Variants in GSN observed in about 807,000 individuals in gnomAD.
The protein encoded by GSN is gelsolin, also known as actin-depolymerizing factor.
A neutral mutation model predicts 85.7 loss-of-function variants in GSN; 56 were observed. The observed-to-expected ratio is 0.65, with a 90% CI of 0.53 to 0.82. The LOEUF is 0.82. Ranked by LOEUF, GSN falls within the 40% of genes least tolerant of loss-of-function variation. The pLI, the probability that GSN is intolerant of heterozygous loss-of-function variation, is 0.00. For missense variants in GSN, 857 were observed against 979.8 expected (o/e 0.87, Z 1.67); for synonymous variants, 373 against 399.1 (o/e 0.93, Z 0.78).
At chr9:121,216,422 A>G (rs542760063) in intron 4 of GSN, among the ~76,000 whole-genome samples, 1 of 152,346 alleles carries the variant, frequency 6.6e-6, no homozygotes, top group Non-Finnish European at 1.5e-5. Flanking sequence ...CACTTCCTGA[A>G]GCCTGTACTC....
intron 2 of GSN, among the ~76,000 whole-genome samples, chr9:121,301,625 C>CAAAAAAAAAAAAAAAA (rs753963979): frequency 7.2e-5 from 4 of 55,902 alleles, no homozygotes; most frequent in Non-Finnish European, 1.3e-4. Context: ...GACTCTGTCT[C>CAAAAAAAAAAAAAAAA]AAAAAAAAAA....
intron 2 of GSN, among the ~76,000 whole-genome samples, chr9:121,287,660 T>G (rs1410105941): frequency 1.3e-5 from 2 of 150,154 alleles, no homozygotes; most frequent in East Asian, 3.9e-4. Flanking sequence ...TTTGGCAGAA[T>G]AGTACACAGG....
intron 12 of GSN, among the ~76,000 whole-genome samples, chr9:121,325,407 TGGGTGTTAAAGCAA>T (rs1394677762): frequency 6.6e-6 from 1 of 151,730 alleles, no homozygotes; most frequent in Non-Finnish European, 1.5e-5. Context: ...GAGGGGGCAT[TGGGTGTTAAAGCAA>T]GGGGAAAATG....
upstream of GSN, among the ~76,000 whole-genome samples, chr9:121,204,901 A>T (rs2053857596): frequency 6.6e-6 from 1 of 152,222 alleles, no homozygotes; most frequent in East Asian, 1.9e-4. Context: ...AACATTTGTT[A>T]AACTATAAGA....
In GSN at chr9:121,332,336, C is replaced by G. The variant is rs1589272375; in HGVS notation, c.2027-98C>G. Reference sequence around the variant, plus strand: ...CAGTAGGGACAGTAGGACCATAGACCCTCTTCTTTGTCAACTCCTGTCCTG... The same window carrying G: ...CAGTAGGGACAGTAGGACCATAGACGCTCTTCTTTGTCAACTCCTGTCCTG... On this transcript the variant is annotated intron_variant, in intron 17 of 17. Transcript: ENST00000432226. This position sits in a 1 kb window ranked among gnomAD's most constrained non-coding sequence, Gnocchi z 4.8. 1 of 1,085,872 alleles carries G rather than the reference C, an allele frequency of 9.2e-7. No homozygotes were observed. The highest frequency in any genetic ancestry group is 1.4e-6 in the Non-Finnish European group (1 of 698,538). 67.3% of individuals were successfully genotyped at this position (1,085,872 alleles called of 1,614,324 possible).
intron 2 of GSN, among the ~76,000 whole-genome samples, chr9:121,289,197 C>A (rs2058441019): frequency 6.6e-6 from 1 of 151,744 alleles, no homozygotes; most frequent in African/African-American, 2.4e-5. Context: ...TCTCCCTCCT[C>A]CTCCCTGTCT....
intron 1 of GSN, among the ~76,000 whole-genome samples, chr9:121,276,018 C>A (rs1028313689): frequency 2.0e-4 from 31 of 152,158 alleles, no homozygotes; most frequent in African/African-American, 7.5e-4. Context: ...GCAACCCTAC[C>A]CACCTTGGGT....
chr9:121,253,282 G>C (rs1038882960), intron 6 of GSN, among the ~76,000 whole-genome samples: 3 of 152,198 alleles, frequency 2.0e-5, no homozygotes, highest in African/African-American at 7.2e-5. Flanking sequence ...AAGCAGGTGA[G>C]TAATGTTGTC....
rs2061021082 is a variant in GSN at position 121,310,747 on chromosome 9, TTC to T, written c.416_417del (p.Phe139SerfsTer46). On this transcript the variant is annotated frameshift_variant, in exon 5 of 18. Transcript: ENST00000432226. LOFTEE classifies it high-confidence loss of function. ...CAACGAGGTGGTGGTGCAGAGACTCTTCCAGGTCAAAGGGCGGCGTGTGGTCC... is the reference window on the plus strand; with the variant it reads ...CAACGAGGTGGTGGTGCAGAGACTCTCAGGTCAAAGGGCGGCGTGTGGTCC... The part of the protein sequence containing the change: ...VPNEVVVQRL[F>X]QVKGRRVVRA... 1 of 1,614,036 alleles carries T rather than the reference TTC, an allele frequency of 6.2e-7. No individual in the cohort carries two copies. The highest frequency in any genetic ancestry group is 8.5e-7 in the Non-Finnish European group (1 of 1,180,012).
Position 121,240,668 on chromosome 9 carries a change from G to A in GSN, c.-388-7608G>A, listed in dbSNP as rs564568999. ...GGGCTTGTGAGTGGGATCAAGTGAC[G>A]GACAATCCTGCTAGGGCCTCATGGG... On this transcript the variant is annotated intron_variant, in intron 5 of 24. Coordinates refer to the GSN transcript ENST00000373823. Among the ~76,000 whole-genome samples, 13 of 152,256 alleles carry A rather than the reference G, an allele frequency of 8.5e-5. No homozygotes were observed. In the South Asian group the frequency reaches 2.7e-3, roughly 32 times the overall value.
intron 4 of GSN, among the ~76,000 whole-genome samples, chr9:121,228,237 C>T (rs934527159): frequency 3.3e-5 from 5 of 151,736 alleles, no homozygotes; most frequent in Admixed American, 6.6e-5. Flanking sequence ...CCTGCACACC[C>T]GAGGTGCTGC....
At position 121,326,663 on chromosome 9, in the gene GSN, G is replaced by C. The variant is rs950375539; in HGVS notation, c.1568G>C (p.Gly523Ala). ...TTCCAGGTCCGCGCCAACAGCGCTG[G>C]AGCCACCCGGGCTGTTGAGGTAATT... Reference protein sequence around the residue: ...RLFQVRANSAGATRAVEVLPK... With the variant: ...RLFQVRANSAAATRAVEVLPK... The change falls in exon 13 of 18, where the codon GGA becomes GCA. Residue 523 changes from glycine to alanine, a missense_variant. Gly to Ala is a moderately conservative substitution (Grantham distance 60). Transcript: ENST00000432226. 1.2e-6 allele frequency: 2 copies of C among 1,608,588 alleles called. No homozygotes were observed. The highest frequency in any genetic ancestry group is 2.7e-5 in the African/African-American group (2 of 74,848).
chr9:121,293,819 A>T (rs1239986689), intron 2 of GSN, among the ~76,000 whole-genome samples: 1 of 152,186 alleles, frequency 6.6e-6, no homozygotes, highest in Admixed American at 6.5e-5. Context: ...CCTCCTTTAT[A>T]TGTGCTTATT....
At chr9:121,310,982 A>G in intron 5 of GSN, 137 bp downstream of exon 5, 2 of 760,138 alleles carry the variant, frequency 2.6e-6, no homozygotes, top group Middle Eastern at 3.6e-4. Context: ...ACGTACAGAT[A>G]TGTCTGTATG....
At chr9:121,236,380 C>G (rs12351461) in intron 5 of GSN, among the ~76,000 whole-genome samples, 1 of 151,824 alleles carries the variant, frequency 6.6e-6, no homozygotes, top group East Asian at 1.9e-4. Flanking sequence ...CTACCACGGC[C>G]GGCAAATTTT....
intron 4 of GSN, among the ~76,000 whole-genome samples, chr9:121,304,154 G>C (rs1414335842): frequency 6.6e-6 from 1 of 152,232 alleles, no homozygotes; most frequent in African/African-American, 2.4e-5. Flanking sequence ...CTATGTCAAT[G>C]GAGTGGTGAC....
intron 6 of GSN, among the ~76,000 whole-genome samples, chr9:121,257,505 C>T (rs1219198843): frequency 6.6e-6 from 1 of 152,190 alleles, no homozygotes; most frequent in Non-Finnish European, 1.5e-5. Context: ...AGAATAACCC[C>T]TTCCATTAGC....
intron 6 of GSN, among the ~76,000 whole-genome samples, chr9:121,262,659 A>G (rs186274653): frequency 2.6e-5 from 4 of 152,320 alleles, no homozygotes; most frequent in African/African-American, 9.6e-5. Flanking sequence ...TCTTACTGGC[A>G]TTTATTGGGC....
intron 2 of GSN, among the ~76,000 whole-genome samples, chr9:121,287,419 A>G (rs2058246220): frequency 1.3e-5 from 2 of 152,144 alleles, no homozygotes; most frequent in South Asian, 4.1e-4. Context: ...GCTGAGCCTC[A>G]GAATCAGAGG....
Sources: allele counts gnomAD v4.1 joint callset (sites outside exome capture counted in the v4.1 genomes callset), GRCh38; gene constraint gnomAD v4.1.1; non-coding constraint Gnocchi (gnomAD v3.1); transcripts MANE v1.5; gene names NCBI Gene and HGNC (gene_info 2026-07-23, HGNC 2026-07-21).